Variants in DOCK2 observed in about 807,000 individuals in gnomAD.
DOCK2 encodes dedicator of cytokinesis protein 2.
In DOCK2, 87 loss-of-function variants were observed where a neutral mutation model predicts 248.9. The observed-to-expected ratio is 0.35, with a 90% CI of 0.29 to 0.42. The LOEUF (loss-of-function observed/expected upper bound fraction) is 0.42. Ranked by LOEUF, DOCK2 falls within the 10% of genes least tolerant of loss-of-function variation. The pLI is 1.00. For synonymous variants in DOCK2, 805 were observed against 821.6 expected (o/e 0.98, Z 0.35); for missense variants, 1,747 against 2,300.2 (o/e 0.76, Z 4.92).
chr5:169,789,674 T>A (rs261603), intron 25 of DOCK2, among the ~76,000 whole-genome samples: 2,584 of 152,350 alleles, frequency 0.017, 83 homozygotes, highest in African/African-American at 0.059. Context: ...AAGTTTATGA[T>A]ACATTTCTTA....
At chr5:170,011,423 C>T (rs1056880526) in intron 32 of DOCK2, among the ~76,000 whole-genome samples, 3 of 151,916 alleles carry the variant, frequency 2.0e-5, no homozygotes, top group Admixed American at 1.3e-4. Flanking sequence ...CTGCTGTTAG[C>T]AAAAACCTGT....
Position 169,983,141 on chromosome 5 carries a change from C to A in DOCK2, c.2873C>A (p.Thr958Asn), listed in dbSNP as rs1777983947. The change falls in exon 28 of 52, where the codon ACC becomes AAC. Residue 958 changes from threonine to asparagine, a missense_variant. Coordinates refer to ENST00000520908, the MANE Select transcript of DOCK2 (RefSeq NM_004946.3). ...CAGCACTACTCCTTCTACATTGAGA[C>A]CTTCCAGACCAGCTCTGAACTTGTG... is the stretch of plus-strand genomic sequence containing the variant. ...GDQHYSFYIE[T>N]FQTSSELVDF... The A allele has an allele frequency of 6.2e-7, 1 of 1,614,064 alleles. No homozygotes were observed. The highest frequency in any genetic ancestry group is 8.5e-7 in the Non-Finnish European group (1 of 1,179,904).
intron 22 of DOCK2, among the ~76,000 whole-genome samples, chr5:169,735,951 GGAGAGAGAGAGAGAGA>G (rs144466698): frequency 6.8e-6 from 1 of 146,730 alleles, no homozygotes; most frequent in African/African-American, 2.5e-5. Context: ...GGGGGGAGAG[GGAGAGAGAGAGAGAGA>G]GAGAGGGAGA....
intron 22 of DOCK2, among the ~76,000 whole-genome samples, chr5:169,725,069 T>G (rs941098568): frequency 8.5e-5 from 13 of 152,254 alleles, no homozygotes; most frequent in African/African-American, 2.4e-4. Context: ...ATCATCTGTT[T>G]ATGCCGAGCA....
Position 169,876,133 on chromosome 5 carries a change from CCTT to C in DOCK2, c.2799+35284_2799+35286del, listed in dbSNP as rs533918611. Among the ~76,000 whole-genome samples the C allele has an allele frequency of 1.4e-3, 207 of 152,300 alleles. 1 individual carries two copies. Among genetic ancestry groups the C allele is most frequent in the Non-Finnish European group, 4.0e-4 (27 of 68,014 alleles). ...GACCTTTGCCTCTGGCGTCACATCT[CCTT>C]CTCTGACTCTGATCCTCTGGCCTCC... On this transcript the variant is annotated intron_variant, in intron 27 of 51. Coordinates refer to ENST00000520908, the MANE Select transcript of DOCK2 (RefSeq NM_004946.3).
Position 169,681,859 on chromosome 5 carries a change from G to C in DOCK2, c.586G>C (p.Glu196Gln). 1.2e-6 allele frequency: 2 copies of C among 1,613,940 alleles called. No homozygotes were observed. The highest frequency in any genetic ancestry group is 1.7e-6 in the Non-Finnish European group (2 of 1,179,920). ...TGAGGAAGCAACTGATAAAATCACA[G>C]AGCGTATCAAAGAAGAAATGGTGAG... ...AHEEATDKIT[E>Q]RIKEEMSKDQ... Residue 196 changes from glutamate to glutamine, a missense_variant, in exon 7 of 52, where the codon GAG becomes CAG. Glu to Gln is a conservative substitution (Grantham distance 29, BLOSUM62 2). Transcript: ENST00000520908.
intron 27 of DOCK2, among the ~76,000 whole-genome samples, chr5:169,893,216 C>T (rs1302796872): frequency 6.6e-6 from 1 of 152,236 alleles, no homozygotes; most frequent in African/African-American, 2.4e-5. Context: ...GTGGTACATT[C>T]ACCCCTCTAG....
In DOCK2 at chr5:169,684,222, G is replaced by A; in HGVS notation, c.633G>A (p.Met211Ile). 1 of 1,614,136 alleles carries A rather than the reference G, an allele frequency of 6.2e-7. No individual in the cohort carries two copies. The highest frequency in any genetic ancestry group is 1.7e-4 in the Middle Eastern group (1 of 6,060). ...CAAAAGACCAGCCAGATTATGCAAT[G>A]TATTCCCGGATCTCCTCATCCCCCA... ...EMSKDQPDYA[M>I]YSRISSSPTH... is the part of the protein sequence containing the mutation. Residue 211 changes from methionine to isoleucine, a missense_variant, in exon 8 of 52, where the codon ATG becomes ATA. Physicochemically the swap from Met to Ile is conservative, Grantham distance 10. This residue lies in a region of DOCK2 where 375 missense variants were observed against 510.9 expected (regional missense o/e 0.73). Transcript: ENST00000520908.
intron 25 of DOCK2, among the ~76,000 whole-genome samples, chr5:169,775,214 G>A (rs1384722622): frequency 6.6e-6 from 1 of 152,132 alleles, no homozygotes; most frequent in African/African-American, 2.4e-5. Flanking sequence ...CCAGCCATAT[G>A]CCTATGTGTG....
At chr5:169,992,713 T>C (rs1298256938) in intron 29 of DOCK2, among the ~76,000 whole-genome samples, 1 of 152,138 alleles carries the variant, frequency 6.6e-6, no homozygotes, top group Non-Finnish European at 1.5e-5. Flanking sequence ...TCCACCCATC[T>C]CGGCCTCCCA....
At chr5:169,820,167 A>C (rs77172858) in intron 26 of DOCK2, among the ~76,000 whole-genome samples, 1 of 152,256 alleles carries the variant, frequency 6.6e-6, no homozygotes, top group African/African-American at 2.4e-5. Context: ...GGAGGCCTGC[A>C]TGCCTCTGTA....
At chr5:169,969,613 T>A (rs1777427307) in intron 27 of DOCK2, among the ~76,000 whole-genome samples, 2 of 152,198 alleles carry the variant, frequency 1.3e-5, no homozygotes, top group African/African-American at 4.8e-5. Context: ...TGCGGAGGCA[T>A]TCCCTAGAGG....
chr5:170,002,770 T>C (rs2113804358), intron 30 of DOCK2, among the ~76,000 whole-genome samples: 1 of 150,140 alleles, frequency 6.7e-6, no homozygotes, highest in South Asian at 2.1e-4. Flanking sequence ...CTCTCTATTG[T>C]CCTATAATTT....
At position 169,717,465 on chromosome 5, in the gene DOCK2, A is replaced by G; in HGVS notation, c.2113A>G (p.Ser705Gly). 6.2e-7 allele frequency: 1 copy of G among 1,613,860 alleles called. No individual in the cohort carries two copies. The highest frequency in any genetic ancestry group is 8.5e-7 in the Non-Finnish European group (1 of 1,179,774). Residue 705 changes from serine to glycine, a missense_variant, in exon 21 of 52, where the codon AGT becomes GGT. This residue lies in a region of DOCK2 where 858 missense variants were observed against 1,183.5 expected (regional missense o/e 0.72). Coordinates refer to ENST00000520908, the MANE Select transcript of DOCK2 (RefSeq NM_004946.3). ...GGAGGCTTACATCCAACAGCATTTC[A>G]GTGCGACCTTGGCTTACAAGTAAGT... ...VLEAYIQQHF[S>G]ATLAYKKLMT...
At chr5:170,040,969 G>T (rs1756494209) in intron 36 of DOCK2, 86 bp from the exon 37 acceptor site, 1 of 1,243,250 alleles carries the variant, frequency 8.0e-7, no homozygotes, top group Non-Finnish European at 1.2e-6. Context: ...GAGGTGCCCA[G>T]TTGTTCTCTG....
intron 44 of DOCK2, among the ~76,000 whole-genome samples, chr5:170,065,476 C>CA (rs1554129593): frequency 7.6e-5 from 11 of 144,298 alleles, no homozygotes; most frequent in Non-Finnish European, 1.5e-4. Flanking sequence ...ACAACAACAA[C>CA]AAAAAAACCT....
intron 25 of DOCK2, among the ~76,000 whole-genome samples, chr5:169,778,127 T>C (rs79303392): frequency 0.067 from 10,167 of 152,292 alleles, 521 homozygotes; most frequent in Admixed American, 0.16. Context: ...GGTGGGAACC[T>C]GGCTCCTCAG....
chr5:169,660,348 T>C (rs1561576454), intron 2 of DOCK2, among the ~76,000 whole-genome samples: 1 of 152,014 alleles, frequency 6.6e-6, no homozygotes, highest in East Asian at 1.9e-4. Flanking sequence ...AATAAATAAA[T>C]AAACAAACAA....
chr5:169,712,434 A>G (rs1029941748), intron 17 of DOCK2, among the ~76,000 whole-genome samples: 6 of 152,232 alleles, frequency 3.9e-5, no homozygotes, highest in Admixed American at 6.5e-5. Flanking sequence ...ATTATGAGAC[A>G]GTGGATGTAA....
Sources: gnomAD v4.1 joint callset for allele counts (sites outside exome capture counted in the v4.1 genomes callset) on GRCh38, gnomAD v4.1.1 for gene constraint, gnomAD v4.1.1 regional missense constraint, MANE v1.5 for transcripts, NCBI Gene and HGNC (gene_info 2026-07-23, HGNC 2026-07-21) for gene names.